LRPAP1: variants seen among roughly 807,000 people sequenced by gnomAD.
The protein encoded by LRPAP1 is alpha-2-macroglobulin receptor-associated protein.
A neutral mutation model predicts 39.9 loss-of-function variants in LRPAP1; 41 were observed. The observed-to-expected ratio is 1.03, with a 90% CI of 0.80 to 1.33. The LOEUF is 1.33. Among genes scored for constraint, LRPAP1 ranks in the 40% most tolerant of loss-of-function variants. The pLI is 0.00. For missense variants in LRPAP1, 565 were observed against 482.3 expected, an observed-to-expected ratio of 1.17 and a Z score of -1.61; for synonymous variants, 263 against 212.7, an observed-to-expected ratio of 1.24 and a Z score of -2.06.
At chr4:3,513,649 G>C (rs969139488) in intron 7 of LRPAP1, among the ~76,000 whole-genome samples, 17 of 152,278 alleles carry the variant, frequency 1.1e-4, no homozygotes, top group African/African-American at 4.1e-4. Flanking sequence ...GAGAGACTGG[G>C]ACAGAGCTCT....
In LRPAP1 at chr4:3,519,005, A is replaced by G. The variant is rs771802865; in HGVS notation, c.472-14T>C. On this transcript the variant is annotated splice_polypyrimidine_tract_variant and intron_variant, in intron 3 of 7. Transcript: ENST00000650182. ...AGAGGTCTTCGCCTAAGAGGGAAAC[A>G]AGGCCTGGAGTGAACCCGCCGCGGG... 3.7e-6 allele frequency: 6 copies of G among 1,611,962 alleles called. No individual in the cohort carries two copies. The South Asian group carries it at 6.6e-5, about 18-fold the overall frequency.
At chr4:3,532,035 G>C (rs908821241) in intron 1 of LRPAP1, 174 bp downstream of exon 1, 3 of 713,116 alleles carry the variant, frequency 4.2e-6, no homozygotes, top group African/African-American at 3.7e-5. Context: ...CTGCAGAAGG[G>C]GTCGGGGCGC....
chr4:3,506,146 TC>T lies in LRPAP1; in HGVS notation c.*6827del, dbSNP rs1266235338. On this transcript the variant is annotated 3_prime_UTR_variant, in exon 8 of 8. Transcript: ENST00000650182. ...GGCACGATTTTGGCTCACTGCAAAC[TC>T]TGTCTCCCAGCTTCAAGTGATTCTC... Among the ~76,000 whole-genome samples, 2 of 152,090 alleles carry T rather than the reference TC, an allele frequency of 1.3e-5. No homozygotes were observed. Among genetic ancestry groups the T allele is most frequent in the Admixed American group, 1.3e-4 (2 of 15,274 alleles).
chr4:3,531,501 C>T (rs1473818789), intron 1 of LRPAP1, among the ~76,000 whole-genome samples: 1 of 152,160 alleles, frequency 6.6e-6, no homozygotes, highest in Non-Finnish European at 1.5e-5. Flanking sequence ...ACAAATGAAG[C>T]AACCGTATCT....
At chr4:3,529,687 C>T (rs1361090708) in intron 1 of LRPAP1, among the ~76,000 whole-genome samples, 1 of 152,146 alleles carries the variant, frequency 6.6e-6, no homozygotes, top group Non-Finnish European at 1.5e-5. Context: ...AGCAGCACCC[C>T]CCTGGCCGGG....
At chr4:3,530,549 G>A (rs1397648064) in intron 1 of LRPAP1, among the ~76,000 whole-genome samples, 1 of 152,256 alleles carries the variant, frequency 6.6e-6, no homozygotes, top group East Asian at 1.9e-4. Flanking sequence ...AGTCCAAAGT[G>A]GAGGTGAGCA....
chr4:3,528,919 TG>T (rs1730158219), intron 1 of LRPAP1, among the ~76,000 whole-genome samples: 1 of 152,022 alleles, frequency 6.6e-6, no homozygotes, highest in African/African-American at 2.4e-5. Flanking sequence ...AGAGCTGGGG[TG>T]GGGCTCTGAG....
intron 7 of LRPAP1, among the ~76,000 whole-genome samples, chr4:3,513,300 G>A (rs1345136321): frequency 1.3e-5 from 2 of 152,172 alleles, no homozygotes; most frequent in East Asian, 3.9e-4. Flanking sequence ...CTCTGTGATA[G>A]GCCCATGGTG....
chr4:3,512,191 T>C lies in LRPAP1; in HGVS notation c.*783A>G, dbSNP rs1001143990. The C allele has an allele frequency of 1.3e-5, 2 of 152,392 alleles. No individual in the cohort carries two copies. The highest frequency in any genetic ancestry group is 4.8e-5 in the African/African-American group (2 of 41,468). 9.4% of individuals were successfully genotyped at this position (152,392 alleles called of 1,614,324 possible). On this transcript the variant is annotated 3_prime_UTR_variant, in exon 8 of 8. Coordinates refer to ENST00000650182, the MANE Select transcript of LRPAP1 (RefSeq NM_002337.4). ...TGAGCAACCGCCAGTCCATCAGCTA[T>C]GGTCAGAGGAAGGCCTCCGTGGCTG...
At chr4:3,514,107 G>A (rs1729619762) in intron 7 of LRPAP1, among the ~76,000 whole-genome samples, 2 of 152,270 alleles carry the variant, frequency 1.3e-5, no homozygotes, top group South Asian at 4.1e-4. Context: ...CCACGGGCAA[G>A]GGCCACAGGC....
In LRPAP1 at chr4:3,511,362, T is replaced by C. The variant is rs764007788; in HGVS notation, c.*1612A>G. 2 of 151,954 alleles carry C rather than the reference T, an allele frequency of 1.3e-5. No homozygotes were observed. Among genetic ancestry groups the C allele is most frequent in the Non-Finnish European group, 2.9e-5 (2 of 68,018 alleles). The allele number at this position is 151,954 out of a possible 1,614,324, so 9.4% of individuals were successfully genotyped here. On this transcript the variant is annotated 3_prime_UTR_variant, in exon 8 of 8. Coordinates refer to ENST00000650182, the MANE Select transcript of LRPAP1 (RefSeq NM_002337.4). Reference sequence around the variant, plus strand: ...TTAAAATCAGAGCACAGGACAGTCATGCAATGGAATACTATACAGCAATGA... The same window carrying C: ...TTAAAATCAGAGCACAGGACAGTCACGCAATGGAATACTATACAGCAATGA...
rs543522935 is a variant in LRPAP1, at chr4:3,511,720, C to G, written c.*1254G>C. On this transcript the variant is annotated 3_prime_UTR_variant, in exon 8 of 8. Transcript: ENST00000650182. ...TGGTGGAGCCTCTTCCAGGTTCAAA[C>G]ACGGGAACCACGCTCGGAGCTGGAC... 8.9e-5 allele frequency: 13 copies of G among 146,738 alleles called. No individual in the cohort carries two copies. Among genetic ancestry groups the G allele is most frequent in the African/African-American group, 3.3e-4 (13 of 39,580 alleles). 9.1% of individuals were successfully genotyped at this position (146,738 alleles called of 1,614,324 possible).
At position 3,508,538 on chromosome 4, in the gene LRPAP1, T is replaced by C. The variant is rs1729419056; in HGVS notation, c.*4436A>G. 1 of 152,118 alleles carries C rather than the reference T, an allele frequency of 6.6e-6. No individual in the cohort carries two copies. Among genetic ancestry groups the C allele is most frequent in the Non-Finnish European group, 1.5e-5 (1 of 68,038 alleles). The allele number at this position is 152,118 out of a possible 1,614,324, so 9.4% of individuals were successfully genotyped here. On this transcript the variant is annotated 3_prime_UTR_variant, in exon 8 of 8. Coordinates refer to ENST00000650182, the MANE Select transcript of LRPAP1 (RefSeq NM_002337.4). Reference sequence around the variant, plus strand: ...GCCCAGTGTCCCTCAAGAGCATTCCTACACAGGAGGTCCTTAGCCCGGTAT... The same window carrying C: ...GCCCAGTGTCCCTCAAGAGCATTCCCACACAGGAGGTCCTTAGCCCGGTAT...
chr4:3,514,873 T>C lies in LRPAP1; in HGVS notation c.890A>G (p.Gln297Arg). 4 of 1,613,922 alleles carry C rather than the reference T, an allele frequency of 2.5e-6. No homozygotes were observed. Among genetic ancestry groups the C allele is most frequent in the Non-Finnish European group, 3.4e-6 (4 of 1,179,922 alleles). ...KIEKHNHYQKQLEIAHEKLRH... is the reference protein window; with the variant it reads ...KIEKHNHYQKRLEIAHEKLRH... ...CAGCTTCTCGTGCGCAATCTCCAGC[T>C]GCTTCTGGTAGTGGTTGTGCTTCTC... is the stretch of plus-strand genomic sequence containing the variant. Residue 297 changes from glutamine to arginine, a missense_variant, in exon 7 of 8, where the codon CAG (glutamine) becomes CGG (arginine). Coordinates refer to ENST00000650182, the MANE Select transcript of LRPAP1 (RefSeq NM_002337.4).
intron 1 of LRPAP1, among the ~76,000 whole-genome samples, chr4:3,527,386 T>C (rs1730108955): frequency 6.6e-6 from 1 of 152,214 alleles, no homozygotes; most frequent in Non-Finnish European, 1.5e-5. Flanking sequence ...ATGAGGCACC[T>C]GAGTGACGCT....
intron 1 of LRPAP1, among the ~76,000 whole-genome samples, chr4:3,526,532 G>C (rs1730083199): frequency 6.6e-6 from 1 of 152,156 alleles, no homozygotes; most frequent in Non-Finnish European, 1.5e-5. Context: ...GAAGCGTCAA[G>C]AGCCGGCTGC....
chr4:3,527,770 A>C (rs1317953950), intron 1 of LRPAP1, among the ~76,000 whole-genome samples: 1 of 152,140 alleles, frequency 6.6e-6, no homozygotes, highest in Admixed American at 6.5e-5. Context: ...AGGGCTGCTG[A>C]AGTCCTGGGC....
rs559104616 is a variant in LRPAP1, at chr4:3,522,194, CCT to C, written c.350-2003_350-2002del. 5.6e-4 allele frequency among the ~76,000 whole-genome samples: 85 copies of C among 152,338 alleles called. 1 individual carries two copies. Among genetic ancestry groups the C allele is most frequent in the Admixed American group, 4.7e-3 (72 of 15,300 alleles). Reference sequence around the variant, plus strand: ...AGGTCCCACCCCCAGGCCGTGCACCCCTGAGCCCGAGAGGAGGAGAGGGGGAG... The same window carrying C: ...AGGTCCCACCCCCAGGCCGTGCACCCGAGCCCGAGAGGAGGAGAGGGGGAG... On this transcript the variant is annotated intron_variant, in intron 2 of 7. Transcript: ENST00000650182.
intron 1 of LRPAP1, among the ~76,000 whole-genome samples, chr4:3,526,715 G>A (rs1410364270): frequency 1.3e-5 from 2 of 152,124 alleles, no homozygotes; most frequent in Non-Finnish European, 2.9e-5. Flanking sequence ...GAACCTCCTC[G>A]CCTCACTCTG....
Sources: gnomAD v4.1 joint callset for allele counts (sites outside exome capture counted in the v4.1 genomes callset) on GRCh38, gnomAD v4.1.1 for gene constraint, MANE v1.5 for transcripts, NCBI Gene and HGNC (gene_info 2026-07-23, HGNC 2026-07-21) for gene names.